The following BTF3 variants were observed in gnomAD, a reference collection of about 807,000 sequenced individuals.
The protein encoded by BTF3 is basic transcription factor 3, also known as transcription factor BTF3.
BTF3 carries 12 observed loss-of-function variants against 23.9 expected under a neutral mutation model. That is an observed-to-expected ratio of 0.50 (90% CI 0.32 to 0.81). The LOEUF is 0.81. Among genes scored for constraint, BTF3 ranks in the 40% least tolerant of loss-of-function variants. The pLI, the probability that BTF3 is intolerant of heterozygous loss-of-function variation, is 0.03. For synonymous variants in BTF3, 96 were observed against 94.8 expected, an observed-to-expected ratio of 1.01 and a Z score of -0.07; for missense variants, 215 against 255.9, an observed-to-expected ratio of 0.84 and a Z score of 1.09.
intron 2 of BTF3, among the ~76,000 whole-genome samples, chr5:73,501,050 G>A (rs1260972523): frequency 1.3e-5 from 2 of 151,856 alleles, no homozygotes; most frequent in Non-Finnish European, 1.5e-5. Flanking sequence ...TCCCTAGGTG[G>A]GCTTTAAGCC....
In BTF3 at chr5:73,503,098, C is replaced by G. The variant is rs753579016; in HGVS notation, c.498C>G (p.Ala166=). The change falls in exon 4 of 6, where the codon GCC becomes GCG. Residue 166 remains alanine (A), a synonymous_variant. Coordinates refer to ENST00000380591, the MANE Select transcript of BTF3 (RefSeq NM_001037637.2). ...GTCTGACTAGTTTAAGGAGACTGGC[C>G]GAAGCTCTGCCCAAACAATGTGAGT... The part of the protein sequence containing the change: ...ADSLTSLRRL[A]EALPKQSVDG... 1.2e-6 allele frequency: 2 copies of G among 1,613,716 alleles called. No individual in the cohort carries two copies. Among genetic ancestry groups the G allele is most frequent in the Non-Finnish European group, 1.7e-6 (2 of 1,179,888 alleles).
intron 2 of BTF3, chr5:73,499,593 T>TA: frequency 3.0e-6 from 1 of 337,394 alleles, no homozygotes; most frequent in Non-Finnish European, 5.7e-6. Flanking sequence ...GACCTTTCTG[T>TA]ACTGCTTTCT....
chr5:73,503,031 C>A lies in BTF3; in HGVS notation c.431C>A (p.Thr144Lys). 6.2e-7 allele frequency: 1 copy of A among 1,614,000 alleles called. No individual in the cohort carries two copies. Among genetic ancestry groups the A allele is most frequent in the African/African-American group, 1.3e-5 (1 of 75,048 alleles). Residue 144 changes from threonine to lysine, a missense_variant, in exon 4 of 6, where the codon ACA becomes AAA. Thr to Lys is a moderately conservative substitution (Grantham distance 78). Transcript: ENST00000380591. ...GGCCATGCTGAGACAAAGCAGCTGA[C>A]AGAAATGCTACCCAGCATCTTAAAC... ...ITGHAETKQL[T>K]EMLPSILNQL... is the part of the protein sequence containing the mutation.
At chr5:73,504,005 C>T (rs1746497944) in intron 4 of BTF3, among the ~76,000 whole-genome samples, 1 of 152,152 alleles carries the variant, frequency 6.6e-6, no homozygotes, top group Admixed American at 6.5e-5. Context: ...CTTCATTTGT[C>T]TCCCAAAATC....
chr5:73,499,311 C>G lies in BTF3; in HGVS notation c.201+109C>G, dbSNP rs780991179. 7 of 1,234,076 alleles carry G rather than the reference C, an allele frequency of 5.7e-6. No individual in the cohort carries two copies. The East Asian group carries it at 1.0e-4, about 18-fold the overall frequency. The allele number at this position is 1,234,076 out of a possible 1,614,324, so 76.4% of individuals were successfully genotyped here. On this transcript the variant is annotated intron_variant, in intron 2 of 5. Coordinates refer to ENST00000380591, the MANE Select transcript of BTF3 (RefSeq NM_001037637.2). ...ATTATCGGTGACAAACTTTGCCTAT[C>G]GAGGGAAATTCACGGAGCTAGCAAA...
chr5:73,498,548 G>A lies in BTF3; in HGVS notation c.-120G>A. 6 of 1,370,140 alleles carry A rather than the reference G, an allele frequency of 4.4e-6. No individual in the cohort carries two copies. Among genetic ancestry groups the A allele is most frequent in the Middle Eastern group, 2.3e-4 (1 of 4,352 alleles). The allele number at this position is 1,370,140 out of a possible 1,614,324, so 84.9% of individuals were successfully genotyped here. ...TAGTCCCCCGCGCGGCCCCTTATTCGCTCCGACAAGGTACAAAAAGGCTCT... is the reference window on the plus strand; with the variant it reads ...TAGTCCCCCGCGCGGCCCCTTATTCACTCCGACAAGGTACAAAAAGGCTCT... On this transcript the variant is annotated 5_prime_UTR_variant, in exon 1 of 6. Transcript: ENST00000380591.
In BTF3 at chr5:73,505,182, C is replaced by T. The variant is rs1250330453; in HGVS notation, c.575-10C>T. On this transcript the variant is annotated splice_polypyrimidine_tract_variant and intron_variant, in intron 5 of 5. Coordinates refer to ENST00000380591, the MANE Select transcript of BTF3 (RefSeq NM_001037637.2). ...TTTTTTAAGAATTTCTACTCTTTTC[C>T]TTTTCCTAGATCTTGTGGAGAATTT... 6.2e-7 allele frequency: 1 copy of T among 1,606,558 alleles called. No homozygotes were observed. The highest frequency in any genetic ancestry group is 2.2e-5 in the East Asian group (1 of 44,662).
In BTF3 at chr5:73,498,772, C is replaced by T; in HGVS notation, c.105C>T (p.Arg35=). 1 of 1,504,406 alleles carries T rather than the reference C, an allele frequency of 6.6e-7. No homozygotes were observed. The highest frequency in any genetic ancestry group is 2.5e-5 in the Admixed American group (1 of 40,240). The allele number at this position is 1,504,406 out of a possible 1,614,324, so 93.2% of individuals were successfully genotyped here. The change falls in exon 1 of 6, where the codon CGC becomes CGT. Residue 35 remains arginine, a synonymous_variant. Coordinates refer to ENST00000380591, the MANE Select transcript of BTF3 (RefSeq NM_001037637.2). Reference sequence around the variant, plus strand: ...CGACGCTGTCTCAACCTCCACCTCGCGGCGGAACCCGAGGACAGGAGCCTC... The same window carrying T: ...CGACGCTGTCTCAACCTCCACCTCGTGGCGGAACCCGAGGACAGGAGCCTC... ...GEATLSQPPP[R]GGTRGQEPQM... is the part of the protein sequence containing the mutation.
chr5:73,498,533 C>A lies in BTF3; in HGVS notation c.-135C>A. 7.7e-7 allele frequency: 1 copy of A among 1,306,778 alleles called. No homozygotes were observed. The highest frequency in any genetic ancestry group is 9.9e-7 in the Non-Finnish European group (1 of 1,009,148). The allele number at this position is 1,306,778 out of a possible 1,614,324, so 80.9% of individuals were successfully genotyped here. A position where few individuals can be genotyped will look rare whatever the true frequency, so the allele number is the denominator to read the frequency against. On this transcript the variant is annotated 5_prime_UTR_variant, in exon 1 of 6. Coordinates refer to ENST00000380591, the MANE Select transcript of BTF3 (RefSeq NM_001037637.2). ...CTTGAGCACCAACCCTAGTCCCCCG[C>A]GCGGCCCCTTATTCGCTCCGACAAG...
intron 4 of BTF3, 29 bp from the exon 5 acceptor site, chr5:73,504,311 ACCTAGAC>A: frequency 1.6e-6 from 2 of 1,234,488 alleles, no homozygotes; most frequent in Non-Finnish European, 2.2e-6. Flanking sequence ...TTTATTAAAA[ACCTAGAC>A]AAATAATGTT....
intron 5 of BTF3, chr5:73,504,732 CAAG>C (rs748949443): frequency 4.8e-6 from 1 of 209,782 alleles, no homozygotes; most frequent in Non-Finnish European, 9.3e-6. Context: ...CATGAATTTA[CAAG>C]AAGGTGTGGA....
intron 2 of BTF3, among the ~76,000 whole-genome samples, chr5:73,501,544 A>G (rs1422141184): frequency 6.6e-6 from 1 of 152,194 alleles, no homozygotes; most frequent in Non-Finnish European, 1.5e-5. Context: ...AGGTGACATA[A>G]GAGTAGAGAT....
At chr5:73,500,929 C>CT (rs764242245) in intron 2 of BTF3, among the ~76,000 whole-genome samples, 7,511 of 137,424 alleles carry the variant, frequency 0.055, 591 homozygotes, top group African/African-American at 0.18. Context: ...GTAACCAGTA[C>CT]TTTTTTTTTT....
Position 73,499,230 on chromosome 5 carries a change from G to GGT in BTF3, c.201+28_201+29insGT, listed in dbSNP as rs1554042100. On this transcript the variant is annotated intron_variant, in intron 2 of 5. Transcript: ENST00000380591. ...AAGTTTTAATAGTTCGGGTTTGTGG[G>GGT]TTTTTTTTTTAAGGTTTAGGTATTT... 7 of 1,456,934 alleles carry GGT rather than the reference G, an allele frequency of 4.8e-6. No homozygotes were observed. The African/African-American group carries it at 7.1e-5, about 15-fold the overall frequency. 90.3% of individuals were successfully genotyped at this position (1,456,934 alleles called of 1,614,324 possible). A position where few individuals can be genotyped will look rare whatever the true frequency, so the allele number is the denominator to read the frequency against.
rs1746338411 is a variant in BTF3, at chr5:73,498,625, G to A, written c.-43G>A. On this transcript the variant is annotated 5_prime_UTR_variant, in exon 1 of 6. Transcript: ENST00000380591. ...AGCGGGGGCGGGAAGTTCCCTGAAGGAGCGAGACAGGGAGGGACAGGGCAG... is the reference window on the plus strand; with the variant it reads ...AGCGGGGGCGGGAAGTTCCCTGAAGAAGCGAGACAGGGAGGGACAGGGCAG... 2.1e-6 allele frequency: 3 copies of A among 1,434,050 alleles called. No homozygotes were observed. The highest frequency in any genetic ancestry group is 1.5e-5 in the African/African-American group (1 of 66,806). 88.8% of individuals were successfully genotyped at this position (1,434,050 alleles called of 1,614,324 possible).
At chr5:73,499,073 C>T (rs1282435161) in intron 1 of BTF3, 61 bp from the exon 2 acceptor site, 2 of 1,496,668 alleles carry the variant, frequency 1.3e-6, no homozygotes, top group African/African-American at 1.4e-5. Context: ...TGGGAAATAA[C>T]GAGCATGGAA....
chr5:73,500,526 A>G (rs562725668), intron 2 of BTF3, among the ~76,000 whole-genome samples: 7 of 152,202 alleles, frequency 4.6e-5, no homozygotes, highest in Non-Finnish European at 8.8e-5. Flanking sequence ...GTGTCCTAAC[A>G]TCTTAATACT....
chr5:73,498,644 A>G lies in BTF3; in HGVS notation c.-24A>G. 1 of 1,485,912 alleles carries G rather than the reference A, an allele frequency of 6.7e-7. No homozygotes were observed. 92.0% of individuals were successfully genotyped at this position (1,485,912 alleles called of 1,614,324 possible). ...CTGAAGGAGCGAGACAGGGAGGGAC[A>G]GGGCAGAGGAGGAGAGGAAGGCGAT... is the stretch of plus-strand genomic sequence containing the variant. On this transcript the variant is annotated 5_prime_UTR_variant, in exon 1 of 6. Transcript: ENST00000380591.
At chr5:73,500,620 G>T (rs1430054880) in intron 2 of BTF3, among the ~76,000 whole-genome samples, 3 of 152,140 alleles carry the variant, frequency 2.0e-5, no homozygotes, top group Admixed American at 2.0e-4. Flanking sequence ...ACTTATTATG[G>T]GATGTGAAAT....
Sources: allele counts gnomAD v4.1 joint callset (sites outside exome capture counted in the v4.1 genomes callset), GRCh38; gene constraint gnomAD v4.1.1; transcripts MANE v1.5; gene names NCBI Gene and HGNC (gene_info 2026-07-23, HGNC 2026-07-21).